Variants in THBS1 observed in about 807,000 individuals in gnomAD.
THBS1 encodes the protein thrombospondin 1.
THBS1 carries 29 observed loss-of-function variants against 126.1 expected under a neutral mutation model. That is an observed-to-expected ratio of 0.23 (90% CI 0.17 to 0.31). The LOEUF is 0.31. THBS1 is among the 10% of genes least tolerant of loss of function. The pLI is 1.00. For synonymous variants in THBS1, 496 were observed against 577.8 expected, an observed-to-expected ratio of 0.86 and a Z score of 2.03; for missense variants, 1,198 against 1,545.2, an observed-to-expected ratio of 0.78 and a Z score of 3.77.
At chr15:39,581,799 G>A (rs1890112006) in intron 1 of THBS1, 30 bp from the exon 2 acceptor site, 3 of 1,490,504 alleles carry the variant, frequency 2.0e-6, no homozygotes, top group Non-Finnish European at 2.8e-6. Flanking sequence ...GCTGATCTCT[G>A]ACCCTCGGCT....
intron 14 of THBS1, 200 bp downstream of exon 14, chr15:39,590,823 T>C: frequency 3.4e-6 from 2 of 579,870 alleles, no homozygotes; most frequent in South Asian, 2.2e-5. Context: ...GGTTTTGTTT[T>C]TCATCAGAAC....
At position 39,587,352 on chromosome 15, in the gene THBS1, G is replaced by A. The variant is rs1032616486; in HGVS notation, c.1126G>A (p.Asp376Asn). Residue 376 changes from aspartate (D) to asparagine (N), a missense_variant, in exon 8 of 22, where the codon GAC becomes AAC. Around this residue, in one of 4 missense-constraint regions of THBS1, gnomAD observed 663 missense variants for 860.1 expected, o/e 0.77. Coordinates refer to ENST00000260356, the MANE Select transcript of THBS1 (RefSeq NM_003246.4). Reference protein sequence around the residue: ...GECCPRCWPSDSADDGWSPWS... With the variant: ...GECCPRCWPSNSADDGWSPWS... ...AACCTCTGTTTCCCCTGCAGCCAGC[G>A]ACTCTGCGGACGATGGCTGGTCTCC... 17 of 1,611,402 alleles carry A rather than the reference G, an allele frequency of 1.1e-5. No homozygotes were observed. Among genetic ancestry groups the A allele is most frequent in the South Asian group, 3.3e-5 (3 of 90,878 alleles).
chr15:39,595,250 G>T, intron 21 of THBS1, 112 bp from the exon 22 acceptor site: 1 of 671,624 alleles, frequency 1.5e-6, no homozygotes. Flanking sequence ...TTAGGCTTTT[G>T]TCATTAGAAA....
At position 39,583,680 on chromosome 15, in the gene THBS1, G is replaced by A. The variant is rs1361656297; in HGVS notation, c.691G>A (p.Gly231Ser). The change falls in exon 4 of 22, where the codon GGC (glycine) becomes AGC (serine). Residue 231 changes from glycine (G) to serine (S), a missense_variant. Physicochemically the swap from Gly to Ser is moderately conservative, Grantham distance 56 (BLOSUM62 0). Coordinates refer to ENST00000260356, the MANE Select transcript of THBS1 (RefSeq NM_003246.4). Reference sequence around the variant, plus strand: ...ACCAGAAGACATCCTCAGGAACAAAGGCTGCTCCAGCTGTGAGTACCCCTC... The same window carrying A: ...ACCAGAAGACATCCTCAGGAACAAAAGCTGCTCCAGCTGTGAGTACCCCTC... Reference protein sequence around the residue: ...TTPEDILRNKGCSSSTSVLLT... With the variant: ...TTPEDILRNKSCSSSTSVLLT... The A allele has an allele frequency of 6.2e-7, 1 of 1,612,718 alleles. No homozygotes were observed.
rs1436069158 is a variant in THBS1 at position 39,585,664 on chromosome 15, A to G, written c.1120+101A>G. On this transcript the variant is annotated intron_variant, in intron 7 of 21. Transcript: ENST00000260356. ...ACACTGGAACCCCACCCCCATCTCC[A>G]TCATGCTTCCATTCAGTTTCTTGCT... 5.5e-6 allele frequency: 6 copies of G among 1,093,088 alleles called. No individual in the cohort carries two copies. In the East Asian group the frequency reaches 1.5e-4, roughly 28 times the overall value. 67.7% of individuals were successfully genotyped at this position (1,093,088 alleles called of 1,614,324 possible).
chr15:39,588,914 T>C (rs759100758), intron 10 of THBS1, 45 bp from the exon 11 acceptor site: 2 of 1,614,196 alleles, frequency 1.2e-6, no homozygotes. Context: ...GTATGGCAGC[T>C]TAGACCAACC....
At chr15:39,595,220 G>C (rs773680600) in intron 21 of THBS1, 142 bp from the exon 22 acceptor site, 4 of 489,924 alleles carry the variant, frequency 8.2e-6, no homozygotes, top group Non-Finnish European at 1.0e-5. Context: ...AAATGCTAAT[G>C]TGCTTGAACA....
intron 6 of THBS1, among the ~76,000 whole-genome samples, chr15:39,584,737 C>T (rs1165797516): frequency 1.6e-5 from 2 of 128,304 alleles, no homozygotes; most frequent in African/African-American, 7.7e-5. Context: ...CTGGTTGGAA[C>T]ATTCATTTTT....
intron 8 of THBS1, 29 bp downstream of exon 8, chr15:39,587,549 G>T: frequency 1.3e-6 from 2 of 1,591,168 alleles, no homozygotes; most frequent in South Asian, 1.1e-5. Context: ...CAGGGACGTG[G>T]AGAACTGACC....
intron 14 of THBS1, 96 bp from the exon 15 acceptor site, chr15:39,591,095 G>T (rs1001335913): frequency 1.4e-5 from 19 of 1,397,304 alleles, no homozygotes; most frequent in Non-Finnish European, 1.8e-5. Flanking sequence ...AAGTATTGCT[G>T]ATTTTCACAG....
chr15:39,589,874 C>G lies in THBS1; in HGVS notation c.1996C>G (p.Leu666Val). The G allele has an allele frequency of 1.2e-6, 2 of 1,614,214 alleles. No individual in the cohort carries two copies. Among genetic ancestry groups the G allele is most frequent in the South Asian group, 2.2e-5 (2 of 91,074 alleles). Residue 666 changes from leucine (L) to valine (V), a missense_variant, in exon 13 of 22, where the codon CTG becomes GTG. Leu to Val is a conservative substitution (Grantham distance 32). This residue lies in a region of THBS1 where 663 missense variants were observed against 860.1 expected (regional missense o/e 0.77). Coordinates refer to ENST00000260356, the MANE Select transcript of THBS1 (RefSeq NM_003246.4). The surrounding 1 kb of genome is among the most constrained non-coding windows in gnomAD (Gnocchi z 4.7). The part of the protein sequence containing the change: ...DCNKNAKCNY[L>V]GHYSDPMYRC... ...CAACAAGAACGCCAAGTGCAACTAC[C>G]TGGGCCACTATAGCGACCCCATGTA...
rs1162222013 is a variant in THBS1, at chr15:39,582,739, A to T, written c.614A>T (p.Asn205Ile). Reference protein sequence around the residue: ...ARLRIAKGGVNDNFQGVLQNV... With the variant: ...ARLRIAKGGVIDNFQGVLQNV... The stretch of plus-strand genomic sequence containing the variant: ...CTCCGCATCGCAAAGGGGGGCGTCA[A>T]TGACAATTTCCAGGTGAGGCTTCTT... The change falls in exon 3 of 22, where the codon AAT becomes ATT. Residue 205 changes from asparagine to isoleucine, a missense_variant. Around this residue, in one of 4 missense-constraint regions of THBS1, gnomAD observed 271 missense variants for 277.0 expected, o/e 0.98. Transcript: ENST00000260356. The T allele has an allele frequency of 6.2e-7, 1 of 1,609,020 alleles. No individual in the cohort carries two copies. The highest frequency in any genetic ancestry group is 1.1e-5 in the South Asian group (1 of 90,406).
At chr15:39,591,398 C>T (rs1890325810) in intron 15 of THBS1, 48 bp downstream of exon 15, 2 of 1,597,860 alleles carry the variant, frequency 1.3e-6, no homozygotes, top group Non-Finnish European at 1.7e-6. Context: ...GGGACATGCA[C>T]AGCTTTCCAA....
Position 39,594,099 on chromosome 15 carries a change from G to T in THBS1, c.3268G>T (p.Val1090Leu). 2.5e-6 allele frequency: 4 copies of T among 1,613,368 alleles called. No homozygotes were observed. The South Asian group carries it at 4.4e-5, about 18-fold the overall frequency. ...ACCTTTCCTTTTCCTTTTCCTTCAGGTGCGCACCCTGTGGCATGACCCTCG... is the reference window on the plus strand; with the variant it reads ...ACCTTTCCTTTTCCTTTTCCTTCAGTTGCGCACCCTGTGGCATGACCCTCG... ...LWHTGNTPGQ[V>L]RTLWHDPRHI... The change falls in exon 20 of 22, where the codon GTG becomes TTG. Residue 1090 changes from valine (V) to leucine (L), a missense_variant and splice_region_variant. By Grantham distance (32) the Val-to-Leu change is conservative. Coordinates refer to ENST00000260356, the MANE Select transcript of THBS1 (RefSeq NM_003246.4). This position sits in a 1 kb window ranked among gnomAD's most constrained non-coding sequence, Gnocchi z 4.4.
Position 39,592,651 on chromosome 15 carries a change from C to T in THBS1, c.2616C>T (p.Asp872=). 1 of 1,614,166 alleles carries T rather than the reference C, an allele frequency of 6.2e-7. No individual in the cohort carries two copies. The change falls in exon 17 of 22, where the codon GAC becomes GAT. Residue 872 remains aspartate (D), a synonymous_variant. Transcript: ENST00000260356. The surrounding 1 kb of genome is among the most constrained non-coding windows in gnomAD (Gnocchi z 4.3). ...IDEDGHQNNL[D]NCPYVPNANQ... ...AAGATGGCCACCAGAACAATCTGGA[C>T]AACTGTCCCTATGTGCCCAATGCCA...
In THBS1 at chr15:39,592,559, C is replaced by G. The variant is rs754318082; in HGVS notation, c.2533-9C>G. 6.2e-6 allele frequency: 10 copies of G among 1,605,824 alleles called. No homozygotes were observed. The South Asian group carries it at 1.0e-4, about 16-fold the overall frequency. ...TGCAATTTACCCTCCATTTACATCT[C>G]TCTTTCAGCTGGACTCTGACTCAGA... On this transcript the variant is annotated splice_polypyrimidine_tract_variant and intron_variant, in intron 16 of 21. Coordinates refer to ENST00000260356, the MANE Select transcript of THBS1 (RefSeq NM_003246.4). The surrounding 1 kb of genome is among the most constrained non-coding windows in gnomAD (Gnocchi z 4.3).
chr15:39,584,339 C>T lies in THBS1; in HGVS notation c.943C>T (p.Pro315Ser). 1.9e-6 allele frequency: 3 copies of T among 1,614,220 alleles called. 1 individual carries two copies. In the South Asian group the frequency reaches 3.3e-5, roughly 18 times the overall value. ...NKELANELRRPPLCYHNGVQY... is the reference protein window; with the variant it reads ...NKELANELRRSPLCYHNGVQY... ...AGAGTTGGCCAATGAGCTGAGGCGG[C>T]CTCCCCTATGCTATCACAACGGAGT... Residue 315 changes from proline (P) to serine (S), a missense_variant, in exon 6 of 22, where the codon CCT (proline) becomes TCT (serine). Around this residue, in one of 4 missense-constraint regions of THBS1, gnomAD observed 663 missense variants for 860.1 expected, o/e 0.77. Transcript: ENST00000260356.
chr15:39,585,226 C>G (rs1278415869), intron 6 of THBS1, among the ~76,000 whole-genome samples: 1 of 152,296 alleles, frequency 6.6e-6, no homozygotes, highest in East Asian at 1.9e-4. Flanking sequence ...AACTTCCACC[C>G]TTGACTAAGT....
intron 1 of THBS1, 34 bp from the exon 2 acceptor site, chr15:39,581,795 C>A (rs1490780287): frequency 1.4e-6 from 2 of 1,464,170 alleles, no homozygotes; most frequent in Non-Finnish European, 1.9e-6. Context: ...CCTAGCTGAT[C>A]TCTGACCCTC....
Sources: allele counts gnomAD v4.1 joint callset (sites outside exome capture counted in the v4.1 genomes callset), GRCh38; gene constraint gnomAD v4.1.1; regional missense constraint gnomAD v4.1.1; non-coding constraint Gnocchi (gnomAD v3.1); transcripts MANE v1.5; gene names NCBI Gene and HGNC (gene_info 2026-07-23, HGNC 2026-07-21).